Variants in CCDC91 observed in about 807,000 individuals in gnomAD.
The protein encoded by CCDC91 is coiled-coil domain containing 91, also known as coiled-coil domain-containing protein 91.
Under a neutral mutation model 63.2 loss-of-function variants are expected in CCDC91, and 48 were observed. That is an observed-to-expected ratio of 0.76 (90% CI 0.60 to 0.97). The LOEUF (loss-of-function observed/expected upper bound fraction) is 0.97, where lower values mean the gene tolerates loss of function less well. Ranked by LOEUF, CCDC91 falls within the 50% of genes least tolerant of loss-of-function variation. CCDC91 has a pLI of 0.00. For synonymous variants in CCDC91, 167 were observed against 165.8 expected (o/e 1.01, Z -0.06); for missense variants, 500 against 494.6 (o/e 1.01, Z -0.10).
chr12:28,432,082 T>G (rs1173394524), intron 8 of CCDC91, among the ~76,000 whole-genome samples: 1 of 152,124 alleles, frequency 6.6e-6, no homozygotes, highest in Admixed American at 6.6e-5. Context: ...TTTTTTAAAT[T>G]AAATTTAATT....
In CCDC91 at chr12:28,528,406, GT is replaced by G. The variant is rs372031926; in HGVS notation, c.1216-20656del. 1.1e-4 allele frequency among the ~76,000 whole-genome samples: 17 copies of G among 152,292 alleles called. 1 individual carries two copies. The highest frequency in any genetic ancestry group is 4.1e-4 in the African/African-American group (17 of 41,574). ...ATCATCTAGAGCTTCAGGTTCCCCA[GT>G]GTGGGGGTGTATTCTGGGGCAGACG... is the stretch of plus-strand genomic sequence containing the variant. On this transcript the variant is annotated intron_variant, in intron 12 of 12. Transcript: ENST00000536442.
chr12:28,275,956 T>C (rs560001324), intron 3 of CCDC91, among the ~76,000 whole-genome samples: 8 of 152,200 alleles, frequency 5.3e-5, no homozygotes, highest in African/African-American at 1.9e-4. Flanking sequence ...AAATTAGGTA[T>C]TGATGGGACG....
chr12:28,509,100 G>A (rs181471063), intron 12 of CCDC91, among the ~76,000 whole-genome samples: 52 of 151,970 alleles, frequency 3.4e-4, no homozygotes, highest in African/African-American at 1.3e-3. Flanking sequence ...CTTTCTGTAT[G>A]CTTCCAGGAA....
chr12:28,501,243 G>A (rs1299709681), intron 12 of CCDC91, among the ~76,000 whole-genome samples: 3 of 151,920 alleles, frequency 2.0e-5, no homozygotes, highest in Admixed American at 2.0e-4. Flanking sequence ...CCAACACTAT[G>A]TTGAACAGGA....
At chr12:28,349,861 C>G (rs982745757) in intron 6 of CCDC91, among the ~76,000 whole-genome samples, 8 of 152,132 alleles carry the variant, frequency 5.3e-5, no homozygotes, top group African/African-American at 1.9e-4. Flanking sequence ...TAGGGTCAAG[C>G]TCTGCAGAAT....
intron 6 of CCDC91, among the ~76,000 whole-genome samples, chr12:28,310,733 T>A (rs776988977): frequency 6.6e-6 from 1 of 152,022 alleles, no homozygotes; most frequent in Non-Finnish European, 1.5e-5. Context: ...CAATTCTTTG[T>A]TTTTTATTTG....
intron 12 of CCDC91, among the ~76,000 whole-genome samples, chr12:28,523,039 A>G (rs547442702): frequency 6.6e-6 from 1 of 152,292 alleles, no homozygotes; most frequent in East Asian, 1.9e-4. Context: ...GCTGAGAAGA[A>G]TGTATATTCT....
At chr12:28,339,986 A>G (rs1339732467) in intron 6 of CCDC91, among the ~76,000 whole-genome samples, 2 of 152,166 alleles carry the variant, frequency 1.3e-5, no homozygotes, top group Non-Finnish European at 2.9e-5. Context: ...ATATACACAC[A>G]CTACTTATAG....
chr12:28,328,165 C>G (rs1941185433), intron 6 of CCDC91, among the ~76,000 whole-genome samples: 1 of 152,166 alleles, frequency 6.6e-6, no homozygotes, highest in South Asian at 2.1e-4. Context: ...ATGTTGCCAT[C>G]TACCTTACAT....
intron 1 of CCDC91, among the ~76,000 whole-genome samples, chr12:28,223,676 A>G (rs940118318): frequency 1.3e-5 from 2 of 152,178 alleles, no homozygotes; most frequent in African/African-American, 4.8e-5. Flanking sequence ...ATTGTAATGT[A>G]TTAGTGATGC....
intron 1 of CCDC91, among the ~76,000 whole-genome samples, chr12:28,227,962 G>T (rs768729512): frequency 6.6e-6 from 1 of 152,014 alleles, no homozygotes; most frequent in Non-Finnish European, 1.5e-5. Context: ...AAGTGATAGC[G>T]TGTCTAAAGA....
intron 6 of CCDC91, among the ~76,000 whole-genome samples, chr12:28,353,637 G>A (rs897908635): frequency 2.0e-5 from 3 of 152,094 alleles, no homozygotes; most frequent in Non-Finnish European, 4.4e-5. Flanking sequence ...TGGGGAAATG[G>A]CTGGTTTTTC....
chr12:28,253,978 C>G (rs532484891), intron 1 of CCDC91, among the ~76,000 whole-genome samples: 4 of 152,318 alleles, frequency 2.6e-5, no homozygotes, highest in Non-Finnish European at 5.9e-5. Flanking sequence ...CTGCCCTCCT[C>G]TGTACACCAG....
intron 8 of CCDC91, among the ~76,000 whole-genome samples, chr12:28,410,976 A>C (rs779379333): frequency 6.6e-6 from 1 of 151,978 alleles, no homozygotes. Flanking sequence ...TTTTAATGGT[A>C]TCATTTTAGG....
chr12:28,344,878 G>A (rs1012240449), intron 6 of CCDC91, among the ~76,000 whole-genome samples: 11 of 152,046 alleles, frequency 7.2e-5, no homozygotes, highest in Admixed American at 3.3e-4. Flanking sequence ...GACAGAGAAG[G>A]CATCTGCCTA....
intron 6 of CCDC91, among the ~76,000 whole-genome samples, chr12:28,315,655 A>G (rs1374056293): frequency 1.3e-5 from 2 of 152,050 alleles, no homozygotes; most frequent in African/African-American, 4.8e-5. Context: ...AAAAAATGCT[A>G]AATTAGTGGC....
chr12:28,274,603 A>G (rs994768586), intron 3 of CCDC91, among the ~76,000 whole-genome samples: 2 of 152,062 alleles, frequency 1.3e-5, no homozygotes, highest in African/African-American at 2.4e-5. Context: ...CTTTGAAGCA[A>G]TTGTGAATGG....
At chr12:28,314,860 T>C (rs1939681343) in intron 6 of CCDC91, among the ~76,000 whole-genome samples, 1 of 151,952 alleles carries the variant, frequency 6.6e-6, no homozygotes, top group Non-Finnish European at 1.5e-5. Flanking sequence ...TCATAGGCCT[T>C]ATAAAATGAG....
chr12:28,357,219 ATG>A (rs1355877825), intron 6 of CCDC91, among the ~76,000 whole-genome samples: 1 of 152,118 alleles, frequency 6.6e-6, no homozygotes, highest in Non-Finnish European at 1.5e-5. Context: ...CCTTGTTTAC[ATG>A]TGTCTCTATT....
Sources: allele counts gnomAD v4.1 joint callset (sites outside exome capture counted in the v4.1 genomes callset), GRCh38; gene constraint gnomAD v4.1.1; transcripts MANE v1.5; gene names NCBI Gene and HGNC (gene_info 2026-07-23, HGNC 2026-07-21).